Variants in ONECUT1 observed in about 807,000 individuals in gnomAD.
ONECUT1 encodes hepatocyte nuclear factor 6.
In ONECUT1, 12 loss-of-function variants were observed where a neutral mutation model predicts 25.6. The observed-to-expected ratio is 0.47, with a 90% confidence interval of 0.30 to 0.76. The LOEUF (loss-of-function observed/expected upper bound fraction) is 0.76. Among genes scored for constraint, ONECUT1 ranks in the 30% least tolerant of loss-of-function variants. The pLI is 0.07. For synonymous variants in ONECUT1, 285 were observed against 270.2 expected, an observed-to-expected ratio of 1.05 and a Z score of -0.54; for missense variants, 620 against 651.2, an observed-to-expected ratio of 0.95 and a Z score of 0.52.
chr15:52,786,102 G>C (rs1186598409), intron 1 of ONECUT1: 1 of 152,272 alleles, frequency 6.6e-6, no homozygotes, highest in East Asian at 1.9e-4. Context: ...GCTGGTAGTG[G>C]GGGGCAGGCA....
chr15:52,757,727 C>G lies in ONECUT1; in HGVS notation c.1226G>C (p.Arg409Pro). 1 of 1,614,096 alleles carries G rather than the reference C, an allele frequency of 6.2e-7. No homozygotes were observed. The highest frequency in any genetic ancestry group is 8.5e-7 in the Non-Finnish European group (1 of 1,180,002). Residue 409 changes from arginine (R) to proline (P), a missense_variant, in exon 2 of 2, where the codon CGT becomes CCT. Coordinates refer to ENST00000305901, the MANE Select transcript of ONECUT1 (RefSeq NM_004498.4). The stretch of plus-strand genomic sequence containing the variant: ...GGTGATTTGCAATTCTTTGGATGGA[C>G]GCTTATTTTCCTTGAATATTGCATG... Reference protein sequence around the residue: ...TLHAIFKENKRPSKELQITIS... With the variant: ...TLHAIFKENKPPSKELQITIS...
intron 1 of ONECUT1, among the ~76,000 whole-genome samples, chr15:52,771,516 A>G (rs2083767532): frequency 1.3e-5 from 2 of 151,686 alleles, no homozygotes; most frequent in South Asian, 4.2e-4. Flanking sequence ...AATGTATACC[A>G]ACATATAAAT....
intron 1 of ONECUT1, among the ~76,000 whole-genome samples, chr15:52,779,509 T>C (rs1057107049): frequency 2.6e-5 from 4 of 152,158 alleles, no homozygotes; most frequent in African/African-American, 4.8e-5. Flanking sequence ...AAAATTATAG[T>C]TTCAATATGC....
chr15:52,760,981 C>CAGGTGAG (rs79303729), intron 1 of ONECUT1, among the ~76,000 whole-genome samples: 1 of 148,840 alleles, frequency 6.7e-6, no homozygotes, highest in African/African-American at 2.5e-5. Context: ...AGGTGGCTCT[C>CAGGTGAG]GAATTGCCCT....
intron 1 of ONECUT1, among the ~76,000 whole-genome samples, chr15:52,775,452 A>AACACACACACACAC (rs139797470): frequency 1.2e-4 from 17 of 141,038 alleles, no homozygotes; most frequent in South Asian, 4.8e-4. Context: ...TTTAAAGAGG[A>AACACACACACACAC]ACACACACAC....
Position 52,777,732 on chromosome 15 carries a change from AC to A in ONECUT1, c.1105+11047del, listed in dbSNP as rs1245358385. 2.8e-3 allele frequency among the ~76,000 whole-genome samples: 360 copies of A among 128,548 alleles called. 8 individuals are homozygous for A. The highest frequency in any genetic ancestry group is 8.0e-3 in the South Asian group (32 of 4,014). The allele number at this position is 128,548 out of a possible 152,430, so 84.3% of individuals were successfully genotyped here. ...CACACACACACACACACACACACAC[AC>A]ACACAAAAAAACATGTAAAGTTATT... On this transcript the variant is annotated intron_variant, in intron 1 of 1. Transcript: ENST00000305901.
At chr15:52,777,723 C>CAAA (rs2083810295) in intron 1 of ONECUT1, among the ~76,000 whole-genome samples, 1 of 102,908 alleles carries the variant, frequency 9.7e-6, no homozygotes, top group Non-Finnish European at 1.8e-5. Context: ...CACACACACA[C>CAAA]ACACACACAC....
intron 1 of ONECUT1, chr15:52,780,715 GTT>G (rs2083835578): frequency 1.3e-6 from 2 of 1,503,170 alleles, no homozygotes; most frequent in Middle Eastern, 1.7e-4. Context: ...CGCTTCGCTC[GTT>G]TGTTTATTTA....
In ONECUT1 at chr15:52,789,447, G is replaced by T; in HGVS notation, c.438C>A (p.Ser146Arg). The T allele has an allele frequency of 6.2e-7, 1 of 1,613,770 alleles. No individual in the cohort carries two copies. The highest frequency in any genetic ancestry group is 8.5e-7 in the Non-Finnish European group (1 of 1,180,000). The change falls in exon 1 of 2, where the codon AGC becomes AGA. Residue 146 changes from serine to arginine, a missense_variant. Physicochemically the swap from Ser to Arg is moderately radical, Grantham distance 110. Coordinates refer to ENST00000305901, the MANE Select transcript of ONECUT1 (RefSeq NM_004498.4). The surrounding 1 kb of genome is among the most constrained non-coding windows in gnomAD (Gnocchi z 4.1). Reference protein sequence around the residue: ...HHHQRLAGNVSGSFTLMRDER... With the variant: ...HHHQRLAGNVRGSFTLMRDER... Reference sequence around the variant, plus strand: ...CATCCCGCATGAGCGTGAAGCTACCGCTCACGTTGCCCGCCAGGCGCTGGT... The same window carrying T: ...CATCCCGCATGAGCGTGAAGCTACCTCTCACGTTGCCCGCCAGGCGCTGGT...
rs142641519 is a variant in ONECUT1 at position 52,789,643 on chromosome 15, C to T, written c.242G>A (p.Gly81Asp). 214 of 1,550,464 alleles carry T rather than the reference C, an allele frequency of 1.4e-4. 1 individual carries two copies. Among genetic ancestry groups the T allele is most frequent in the Middle Eastern group, 8.9e-4 (5 of 5,646 alleles). ...HHRAPEHSLAGPLHPTMTMAC... is the reference protein window; with the variant it reads ...HHRAPEHSLADPLHPTMTMAC... ...CATGGTCATGGTGGGATGCAGGGGG[C>T]CGGCCAGGCTGTGCTCAGGGGCCCG... The change falls in exon 1 of 2, where the codon GGC (glycine) becomes GAC (aspartate). Residue 81 changes from glycine to aspartate, a missense_variant. This residue lies in a region of ONECUT1 where 440 missense variants were observed against 404.9 expected (regional missense o/e 1.09). Transcript: ENST00000305901. This position sits in a 1 kb window ranked among gnomAD's most constrained non-coding sequence, Gnocchi z 4.1.
rs372249309 is a variant in ONECUT1, at chr15:52,789,871, A to G, written c.14T>C (p.Leu5Pro). The G allele has an allele frequency of 4.3e-5, 66 of 1,540,470 alleles. No homozygotes were observed. The African/African-American group carries it at 8.8e-4, about 21-fold the overall frequency. ...CAGCTCGCCGATCGCTTCCATGGTC[A>G]GCTGCGCGTTCATCGTGATCCGGGC... MNAQ[L>P]TMEAIGELHG... The change falls in exon 1 of 2, where the codon CTG becomes CCG. Residue 5 changes from leucine (L) to proline (P), a missense_variant. Physicochemically the swap from Leu to Pro is moderately conservative, Grantham distance 98. This residue lies in a region of ONECUT1 where 440 missense variants were observed against 404.9 expected (regional missense o/e 1.09). Transcript: ENST00000305901. This position sits in a 1 kb window ranked among gnomAD's most constrained non-coding sequence, Gnocchi z 4.1.
At chr15:52,758,573 G>T (rs1172370100) in intron 1 of ONECUT1, among the ~76,000 whole-genome samples, 1 of 152,162 alleles carries the variant, frequency 6.6e-6, no homozygotes, top group East Asian at 1.9e-4. Context: ...AGTTAGCCAT[G>T]TTCATCTCTG....
At chr15:52,765,554 T>C (rs750892622) in intron 1 of ONECUT1, among the ~76,000 whole-genome samples, 17 of 146,118 alleles carry the variant, frequency 1.2e-4, no homozygotes, top group Non-Finnish European at 2.2e-4. Flanking sequence ...AGCACACAAA[T>C]AAACAGATTT....
At position 52,785,795 on chromosome 15, in the gene ONECUT1, T is replaced by G. The variant is rs543672145; in HGVS notation, c.1105+2985A>C. 4.6e-5 allele frequency: 7 copies of G among 152,176 alleles called. No individual in the cohort carries two copies. The East Asian group carries it at 1.4e-3, about 29-fold the overall frequency. The allele number at this position is 152,176 out of a possible 1,614,324, so 9.4% of individuals were successfully genotyped here. ...GGAACATATATTGATTTTTAAAAGGTAGTTAATTTGGTGGGAATTTCCTCC... is the reference window on the plus strand; with the variant it reads ...GGAACATATATTGATTTTTAAAAGGGAGTTAATTTGGTGGGAATTTCCTCC... On this transcript the variant is annotated intron_variant, in intron 1 of 1. Coordinates refer to ENST00000305901, the MANE Select transcript of ONECUT1 (RefSeq NM_004498.4).
intron 1 of ONECUT1, among the ~76,000 whole-genome samples, chr15:52,775,503 C>A (rs2456502): frequency 0.082 from 11,707 of 142,884 alleles, 530 homozygotes; most frequent in East Asian, 0.13. Flanking sequence ...TCTTAAAGAG[C>A]CATAGACTAT....
intron 1 of ONECUT1, among the ~76,000 whole-genome samples, chr15:52,780,061 C>T (rs2083830629): frequency 6.6e-6 from 1 of 152,168 alleles, no homozygotes; most frequent in Non-Finnish European, 1.5e-5. Flanking sequence ...TCTCTTCCTC[C>T]CTATCCCTTC....
At chr15:52,764,624 ATGT>A (rs1207261872) in intron 1 of ONECUT1, among the ~76,000 whole-genome samples, 2 of 152,198 alleles carry the variant, frequency 1.3e-5, no homozygotes, top group Non-Finnish European at 2.9e-5. Flanking sequence ...GCCCTAGAAT[ATGT>A]TGTCCTAACA....
At chr15:52,780,346 C>G (rs1474091301) in intron 1 of ONECUT1, among the ~76,000 whole-genome samples, 1 of 152,164 alleles carries the variant, frequency 6.6e-6, no homozygotes, top group Non-Finnish European at 1.5e-5. Flanking sequence ...GCACTTCCCC[C>G]TTTTAATGAG....
intron 1 of ONECUT1, chr15:52,785,723 C>T (rs2083870446): frequency 6.6e-6 from 1 of 152,318 alleles, no homozygotes; most frequent in South Asian, 2.1e-4. Flanking sequence ...CGGCGAGAAC[C>T]CTGTCGCTCT....
Sources: allele counts gnomAD v4.1 joint callset (sites outside exome capture counted in the v4.1 genomes callset), GRCh38; gene constraint gnomAD v4.1.1; regional missense constraint gnomAD v4.1.1; non-coding constraint Gnocchi (gnomAD v3.1); transcripts MANE v1.5; gene names NCBI Gene and HGNC (gene_info 2026-07-23, HGNC 2026-07-21).